NFAT5: variants seen among roughly 807,000 people sequenced by gnomAD.
The protein encoded by NFAT5 is nuclear factor of activated T cells 5, also known as nuclear factor of activated T-cells 5.
NFAT5 carries 31 observed loss-of-function variants against 166.5 expected under a neutral mutation model. The ratio of observed to expected loss-of-function variants is 0.19; its 90% CI spans 0.14 to 0.25. NFAT5 has a LOEUF of 0.25. Among genes scored for constraint, NFAT5 ranks in the 10% least tolerant of loss-of-function variants. NFAT5 has a pLI of 1.00. For synonymous variants in NFAT5, 612 were observed against 639.7 expected (o/e 0.96, Z 0.65); for missense variants, 1,449 against 1,821.8 (o/e 0.80, Z 3.72).
rs748172080 is a variant in NFAT5, at chr16:69,647,309, G to A, written c.535G>A (p.Asp179Asn). 6.2e-7 allele frequency: 1 copy of A among 1,614,220 alleles called. No homozygotes were observed. The highest frequency in any genetic ancestry group is 1.1e-5 in the South Asian group (1 of 91,086). Residue 179 changes from aspartate (D) to asparagine (N), a missense_variant, in exon 4 of 15, where the codon GAT (aspartate) becomes AAT (asparagine). Physicochemically the swap from Asp to Asn is conservative, Grantham distance 23 (BLOSUM62 1). This residue lies in a region of NFAT5 where 115 missense variants were observed against 177.1 expected (regional missense o/e 0.65). Transcript: ENST00000349945. The surrounding 1 kb of genome is among the most constrained non-coding windows in gnomAD (Gnocchi z 4.8). ...LLDNSRMSCQ[D>N]EGCGLESEQS... is the part of the protein sequence containing the mutation. ...GGATAACAGTCGGATGTCCTGCCAG[G>A]ATGAGGGGTGTGGATTGGAATCTGA...
Position 69,682,186 on chromosome 16 carries a change from A to ATT in NFAT5, c.1691-2686_1691-2685dup, listed in dbSNP as rs71673029. On this transcript the variant is annotated intron_variant, in intron 10 of 14. Coordinates refer to ENST00000349945, the MANE Select transcript of NFAT5 (RefSeq NM_138713.4). ...TTTGCTTAGCCATTAAAACATTTTA[A>ATT]TTTTTTTTTTTTTTTTACTTCAGCC... 1.3e-4 allele frequency among the ~76,000 whole-genome samples: 19 copies of ATT among 146,070 alleles called. No individual in the cohort carries two copies. In the Middle Eastern group the frequency reaches 0.011, roughly 81 times the overall value.
chr16:69,647,262 C>T lies in NFAT5; in HGVS notation c.488C>T (p.Ser163Leu). ...TPKRHTVLYISPPPEDLLDNS... is the reference protein window; with the variant it reads ...TPKRHTVLYILPPPEDLLDNS... ...AAGAGGCACACAGTCTTGTACATCTCACCACCACCTGAGGACTTGCTGGAT... is the reference window on the plus strand; with the variant it reads ...AAGAGGCACACAGTCTTGTACATCTTACCACCACCTGAGGACTTGCTGGAT... The change falls in exon 4 of 15, where the codon TCA becomes TTA. Residue 163 changes from serine (S) to leucine (L), a missense_variant. This residue lies in a region of NFAT5 where 172 missense variants were observed against 194.5 expected (regional missense o/e 0.88). Coordinates refer to ENST00000349945, the MANE Select transcript of NFAT5 (RefSeq NM_138713.4). The surrounding 1 kb of genome is among the most constrained non-coding windows in gnomAD (Gnocchi z 4.8). 1 of 1,614,188 alleles carries T rather than the reference C, an allele frequency of 6.2e-7. No individual in the cohort carries two copies. The highest frequency in any genetic ancestry group is 8.5e-7 in the Non-Finnish European group (1 of 1,180,018).
At position 69,691,872 on chromosome 16, in the gene NFAT5, A is replaced by T. The variant is rs1334578417; in HGVS notation, c.2047A>T (p.Ile683Phe). The change falls in exon 13 of 15, where the codon ATT becomes TTT. Residue 683 changes from isoleucine (I) to phenylalanine (F), a missense_variant. Ile to Phe is a conservative substitution (Grantham distance 21). Transcript: ENST00000349945. ...LPSENEKQQQ[I>F]QPKAYNPETL... ...TTCTGAAAATGAAAAACAGCAGCAG[A>T]TTCAGCCCAAGGCATACAACCCAGA... 1 of 1,614,134 alleles carries T rather than the reference A, an allele frequency of 6.2e-7. No individual in the cohort carries two copies. The highest frequency in any genetic ancestry group is 1.3e-5 in the African/African-American group (1 of 75,016).
chr16:69,670,479 C>G (rs1461574272), intron 9 of NFAT5, among the ~76,000 whole-genome samples, 191 bp downstream of exon 9: 1 of 152,148 alleles, frequency 6.6e-6, no homozygotes, highest in East Asian at 1.9e-4. Flanking sequence ...ATGACCACCT[C>G]TATTTTAAAA....
rs560750007 is a variant in NFAT5 at position 69,584,415 on chromosome 16, G to A, written c.127+15867G>A. Among the ~76,000 whole-genome samples, 6 of 150,690 alleles carry A rather than the reference G, an allele frequency of 4.0e-5. No homozygotes were observed. In the East Asian group the frequency reaches 9.8e-4, roughly 25 times the overall value. On this transcript the variant is annotated intron_variant, in intron 2 of 14. Coordinates refer to ENST00000349945, the MANE Select transcript of NFAT5 (RefSeq NM_138713.4). Reference sequence around the variant, plus strand: ...GCCATCTCGGCTCACTGCAGCCTCCGCCTCCCAGGTTCAAATGATTTTCAT... The same window carrying A: ...GCCATCTCGGCTCACTGCAGCCTCCACCTCCCAGGTTCAAATGATTTTCAT...
chr16:69,570,397 A>G (rs1308738250), intron 2 of NFAT5, among the ~76,000 whole-genome samples: 1 of 152,070 alleles, frequency 6.6e-6, no homozygotes, highest in Non-Finnish European at 1.5e-5. Context: ...TAGAGAGAAT[A>G]AAATAAGCCC....
intron 2 of NFAT5, among the ~76,000 whole-genome samples, chr16:69,575,299 C>G (rs947306479): frequency 6.6e-6 from 1 of 152,090 alleles, no homozygotes; most frequent in African/African-American, 2.4e-5. Flanking sequence ...TCATGAGTAG[C>G]TGGGACTACA....
chr16:69,574,729 C>T (rs1422386429), intron 2 of NFAT5, among the ~76,000 whole-genome samples: 2 of 151,156 alleles, frequency 1.3e-5, no homozygotes, highest in Non-Finnish European at 2.9e-5. Flanking sequence ...AGTGCAGTGG[C>T]ACAATCTTGG....
intron 2 of NFAT5, among the ~76,000 whole-genome samples, chr16:69,580,661 T>A (rs1414902614): frequency 1.3e-5 from 2 of 152,204 alleles, no homozygotes; most frequent in Admixed American, 1.3e-4. Context: ...AAATCCAAAT[T>A]CTTTTTATTT....
intron 2 of NFAT5, among the ~76,000 whole-genome samples, chr16:69,579,000 A>G (rs1477614095): frequency 6.6e-6 from 1 of 151,386 alleles, no homozygotes; most frequent in Admixed American, 6.6e-5. Context: ...TCAGCCTCCC[A>G]AGTAGCTGGG....
intron 2 of NFAT5, among the ~76,000 whole-genome samples, chr16:69,612,997 G>C (rs967676299): frequency 1.3e-5 from 2 of 152,094 alleles, no homozygotes; most frequent in African/African-American, 4.8e-5. Context: ...AGTCCCATAG[G>C]CATCCAAATT....
intron 10 of NFAT5, among the ~76,000 whole-genome samples, chr16:69,684,289 G>A (rs917262073): frequency 4.7e-5 from 7 of 148,000 alleles, no homozygotes; most frequent in African/African-American, 1.5e-4. Flanking sequence ...GGCTGGGCAC[G>A]GTGGCTCACA....
Position 69,566,455 on chromosome 16 carries a change from C to T in NFAT5, c.73+81C>T, listed in dbSNP as rs2016042286. On this transcript the variant is annotated intron_variant, in intron 1 of 14. Transcript: ENST00000349945. The surrounding 1 kb of genome is among the most constrained non-coding windows in gnomAD (Gnocchi z 5.7). ...GACAGGGCCAGGGGAGGCGAGGGGT[C>T]CCCGTCCCGCCGGGGGCGGCTGAGC... is the stretch of plus-strand genomic sequence containing the variant. The T allele has an allele frequency of 7.3e-6, 9 of 1,233,450 alleles. No individual in the cohort carries two copies. The South Asian group carries it at 1.0e-4, about 14-fold the overall frequency. The allele number at this position is 1,233,450 out of a possible 1,614,324, so 76.4% of individuals were successfully genotyped here.
intron 1 of NFAT5, among the ~76,000 whole-genome samples, chr16:69,568,183 G>A (rs2016190678): frequency 6.6e-6 from 1 of 152,080 alleles, no homozygotes; most frequent in Non-Finnish European, 1.5e-5. Context: ...AGCCGGGCGT[G>A]GTGGTGCATG....
rs1221180265 is a variant in NFAT5 at position 69,647,863 on chromosome 16, AT to A, written c.812+280del. On this transcript the variant is annotated intron_variant, in intron 4 of 14. Transcript: ENST00000349945. The surrounding 1 kb of genome is among the most constrained non-coding windows in gnomAD (Gnocchi z 4.8). ...CTGTTCTGAAATAAATTTCAAATGA[AT>A]TTATATTTTAAAAGGACTTTTACTC... Among the ~76,000 whole-genome samples the A allele has an allele frequency of 6.6e-6, 1 of 152,086 alleles. No individual in the cohort carries two copies. The highest frequency in any genetic ancestry group is 1.5e-5 in the Non-Finnish European group (1 of 68,020).
At chr16:69,694,507 G>C (rs56295329) in intron 13 of NFAT5, among the ~76,000 whole-genome samples, 3,152 of 152,164 alleles carry the variant, frequency 0.021, 48 homozygotes, top group Non-Finnish European at 0.035. Flanking sequence ...CGCTGGCCTC[G>C]GCCTCCCAAA....
rs148258441 is a variant in NFAT5, at chr16:69,633,027, T to C, written c.253+6499T>C. On this transcript the variant is annotated intron_variant, in intron 3 of 14. Transcript: ENST00000349945. Reference sequence around the variant, plus strand: ...ATGGTATGTATGTATGGATTTATGCTGAAGTCTGCATTATTAGAGAGCAAA... The same window carrying C: ...ATGGTATGTATGTATGGATTTATGCCGAAGTCTGCATTATTAGAGAGCAAA... Among the ~76,000 whole-genome samples the C allele has an allele frequency of 3.9e-5, 6 of 152,348 alleles. No homozygotes were observed. In the East Asian group the frequency reaches 1.2e-3, roughly 29 times the overall value.
chr16:69,694,691 T>A (rs1199851009), intron 13 of NFAT5, among the ~76,000 whole-genome samples: 1 of 152,206 alleles, frequency 6.6e-6, no homozygotes, highest in Admixed American at 6.5e-5. Context: ...ATACTTTACA[T>A]GGATTTGGGG....
At chr16:69,641,412 C>G (rs2035209146) in intron 3 of NFAT5, among the ~76,000 whole-genome samples, 1 of 150,030 alleles carries the variant, frequency 6.7e-6, no homozygotes, top group Non-Finnish European at 1.5e-5. Flanking sequence ...AATTTTATGG[C>G]TTTTTTTAAA....
Sources: allele counts gnomAD v4.1 joint callset (sites outside exome capture counted in the v4.1 genomes callset), GRCh38; gene constraint gnomAD v4.1.1; regional missense constraint gnomAD v4.1.1; non-coding constraint Gnocchi (gnomAD v3.1); transcripts MANE v1.5; gene names NCBI Gene and HGNC (gene_info 2026-07-23, HGNC 2026-07-21).